Variants in NAE1 observed in about 807,000 individuals in gnomAD.
NAE1 encodes NEDD8 activating enzyme E1 subunit 1, also known as NEDD8-activating enzyme E1 regulatory subunit.
NAE1 carries 59 observed loss-of-function variants against 88.0 expected under a neutral mutation model. The observed-to-expected ratio is 0.67, with a 90% CI of 0.54 to 0.83. The LOEUF (loss-of-function observed/expected upper bound fraction) is 0.83, where lower values mean the gene tolerates loss of function less well. Among genes scored for constraint, NAE1 ranks in the 40% least tolerant of loss-of-function variants. NAE1 has a pLI of 0.00. For missense variants in NAE1, 554 were observed against 632.8 expected (o/e 0.88, Z 1.34); for synonymous variants, 186 against 208.9 (o/e 0.89, Z 0.95).
chr16:66,821,337 G>C, intron 7 of NAE1, 113 bp downstream of exon 7: 1 of 1,302,268 alleles, frequency 7.7e-7, no homozygotes, highest in Admixed American at 3.5e-5. Flanking sequence ...TGCAACTAGA[G>C]ATGTGCTGCT....
intron 3 of NAE1, 23 bp downstream of exon 3, chr16:66,826,500 T>A (rs1216191130): frequency 6.2e-7 from 1 of 1,612,468 alleles, no homozygotes; most frequent in Non-Finnish European, 8.5e-7. Flanking sequence ...AACGTGAATA[T>A]ATTTGAAGAG....
intron 14 of NAE1, 27 bp from the exon 15 acceptor site, chr16:66,810,440 T>C (rs1451341541): frequency 6.3e-7 from 1 of 1,583,248 alleles, no homozygotes; most frequent in East Asian, 2.2e-5. Flanking sequence ...ACAGATTCTG[T>C]TCCAGTTTAA....
intron 10 of NAE1, 45 bp downstream of exon 10, chr16:66,816,920 T>C: frequency 1.3e-6 from 2 of 1,560,382 alleles, no homozygotes; most frequent in Non-Finnish European, 8.6e-7. Flanking sequence ...CTCTAGCAAT[T>C]TGCTTTTCAA....
intron 17 of NAE1, among the ~76,000 whole-genome samples, chr16:66,807,145 T>G (rs1959597176): frequency 1.3e-5 from 2 of 152,196 alleles, no homozygotes; most frequent in South Asian, 4.1e-4. Context: ...CTCAAGCAAC[T>G]GCATGCCTCC....
intron 17 of NAE1, 114 bp downstream of exon 17, chr16:66,808,407 C>A: frequency 1.3e-6 from 1 of 754,748 alleles, no homozygotes; most frequent in Non-Finnish European, 2.1e-6. Flanking sequence ...GGGGTGTAAT[C>A]TGTTTACAAT....
At chr16:66,827,655 C>T (rs1006020815) in intron 1 of NAE1, 32 of 275,910 alleles carry the variant, frequency 1.2e-4, no homozygotes, top group African/African-American at 5.8e-4. Flanking sequence ...GTGACTTCTG[C>T]AAAAGCTTTA....
At chr16:66,815,955 C>T (rs565138233) in intron 11 of NAE1, among the ~76,000 whole-genome samples, 4 of 152,248 alleles carry the variant, frequency 2.6e-5, no homozygotes, top group South Asian at 2.1e-4. Context: ...TGAGCCACCG[C>T]GCCTGGCCCC....
intron 1 of NAE1, 116 bp downstream of exon 1, chr16:66,830,731 G>T (rs2145364003): frequency 2.9e-6 from 3 of 1,032,118 alleles, no homozygotes; most frequent in Non-Finnish European, 4.1e-6. Flanking sequence ...GCACGGCCCG[G>T]CCCAGCCTGG....
At chr16:66,824,785 C>T in intron 4 of NAE1, 70 bp downstream of exon 4, 2 of 1,380,882 alleles carry the variant, frequency 1.4e-6, no homozygotes, top group Non-Finnish European at 1.0e-6. Context: ...AAAGTCAAAG[C>T]TTTTCAAGCA....
At position 66,809,436 on chromosome 16, in the gene NAE1, T is replaced by C. The variant is rs539290275; in HGVS notation, c.1151-361A>G. On this transcript the variant is annotated intron_variant, in intron 15 of 19. Coordinates refer to ENST00000290810, the MANE Select transcript of NAE1 (RefSeq NM_003905.4). Reference sequence around the variant, plus strand: ...ATGCCTGATATGGCTCTAAAAATAATAGTTTTCATCATTATTATGGATAAG... The same window carrying C: ...ATGCCTGATATGGCTCTAAAAATAACAGTTTTCATCATTATTATGGATAAG... 4.5e-4 allele frequency among the ~76,000 whole-genome samples: 68 copies of C among 152,332 alleles called. No homozygotes were observed. In the South Asian group the frequency reaches 0.014, roughly 31 times the overall value.
chr16:66,817,013 G>C lies in NAE1; in HGVS notation c.700C>G (p.Pro234Ala), dbSNP rs372481628. Residue 234 changes from proline (P) to alanine (A), a missense_variant, in exon 10 of 20, where the codon CCT becomes GCT. Pro to Ala is a conservative substitution (Grantham distance 27). Coordinates refer to ENST00000290810, the MANE Select transcript of NAE1 (RefSeq NM_003905.4). ...TCCTCTTTTTCTTTATACGTTTTAG[G>C]TATTCGTCCATTTGTCTAAATTGGT... The part of the protein sequence containing the change: ...QWYSETNGRI[P>A]KTYKEKEDFR... The C allele has an allele frequency of 6.3e-7, 1 of 1,593,986 alleles. No homozygotes were observed. The highest frequency in any genetic ancestry group is 8.5e-7 in the Non-Finnish European group (1 of 1,174,726).
intron 6 of NAE1, among the ~76,000 whole-genome samples, chr16:66,822,399 C>T (rs59720815): frequency 2.0e-5 from 3 of 151,890 alleles, no homozygotes; most frequent in Admixed American, 6.6e-5. Flanking sequence ...GGTGAAACCC[C>T]GTCTCTACTA....
Position 66,810,735 on chromosome 16 carries a change from C to A in NAE1, c.1072G>T (p.Gly358Cys), listed in dbSNP as rs550534934. ...TGCAGCAATTTGGCAACATGATTAC[C>A]CACAGCGGCAGCATCTTTCTTTGCT... ...EKAKKDAAAVGNHVAKLLQSI... is the reference protein window; with the variant it reads ...EKAKKDAAAVCNHVAKLLQSI... The change falls in exon 14 of 20, where the codon GGT becomes TGT. Residue 358 changes from glycine to cysteine, a missense_variant. By Grantham distance (159) the Gly-to-Cys change is radical (BLOSUM62 -3). Coordinates refer to ENST00000290810, the MANE Select transcript of NAE1 (RefSeq NM_003905.4). 1.9e-6 allele frequency: 3 copies of A among 1,614,160 alleles called. No homozygotes were observed. The African/African-American group carries it at 4.0e-5, about 22-fold the overall frequency.
At chr16:66,824,753 C>A in intron 4 of NAE1, 102 bp downstream of exon 4, 1 of 1,090,538 alleles carries the variant, frequency 9.2e-7, no homozygotes, top group Non-Finnish European at 1.3e-6. Flanking sequence ...ACTTTTTTCT[C>A]AGAGAAATAA....
At chr16:66,810,258 C>G in intron 15 of NAE1, 116 bp downstream of exon 15, 1 of 784,522 alleles carries the variant, frequency 1.3e-6, no homozygotes, top group Non-Finnish European at 2.2e-6. Context: ...TTATCTATAT[C>G]TATATCACTG....
intron 16 of NAE1, 92 bp downstream of exon 16, chr16:66,808,897 A>T (rs1959678324): frequency 1.3e-6 from 1 of 767,886 alleles, no homozygotes; most frequent in Non-Finnish European, 2.0e-6. Context: ...CTTTAATATC[A>T]TCACCATATA....
At chr16:66,803,402 G>C (rs363166) in intron 19 of NAE1, among the ~76,000 whole-genome samples, 47,285 of 151,910 alleles carry the variant, frequency 0.31, 8,581 homozygotes, top group East Asian at 0.6. Flanking sequence ...ATTTTACCTT[G>C]TATCTGTTTT....
At chr16:66,820,684 G>A (rs1254798131) in intron 7 of NAE1, among the ~76,000 whole-genome samples, 2 of 152,078 alleles carry the variant, frequency 1.3e-5, no homozygotes, top group South Asian at 2.1e-4. Flanking sequence ...GGCAGATCAC[G>A]AGGTCAGGAG....
chr16:66,823,150 C>A, intron 6 of NAE1, 77 bp downstream of exon 6: 7 of 748,492 alleles, frequency 9.4e-6, no homozygotes, highest in East Asian at 7.4e-5. Context: ...ACCATATCAT[C>A]ATAGACTGTG....
Sources: gnomAD v4.1 joint callset for allele counts (sites outside exome capture counted in the v4.1 genomes callset) on GRCh38, gnomAD v4.1.1 for gene constraint, MANE v1.5 for transcripts, NCBI Gene and HGNC (gene_info 2026-07-23, HGNC 2026-07-21) for gene names.